Variants in CDH18 observed in about 807,000 individuals in gnomAD.
The protein encoded by CDH18 is cadherin-18.
In CDH18, 31 loss-of-function variants were observed where a neutral mutation model predicts 67.9. The observed-to-expected ratio is 0.46, with a 90% CI of 0.34 to 0.62. The LOEUF (loss-of-function observed/expected upper bound fraction) is 0.62. CDH18 is among the 20% of genes least tolerant of loss of function. The pLI is 0.01. For synonymous variants in CDH18, 362 were observed against 347.2 expected, an observed-to-expected ratio of 1.04 and a Z score of -0.48; for missense variants, 890 against 975.5, an observed-to-expected ratio of 0.91 and a Z score of 1.17.
rs143300156 is a variant in CDH18 at position 20,201,337 on chromosome 5, C to T, written c.-518+54107G>A. 1.5e-3 allele frequency among the ~76,000 whole-genome samples: 221 copies of T among 152,200 alleles called. 1 individual carries two copies. Among genetic ancestry groups the T allele is most frequent in the African/African-American group, 5.0e-3 (209 of 41,530 alleles). On this transcript the variant is annotated intron_variant, in intron 2 of 14. Transcript: ENST00000507958. Reference sequence around the variant, plus strand: ...AGTCACCTTAAATTGATTACATCTGCAAAGATCCCATTTCAAAATAAGGTC... The same window carrying T: ...AGTCACCTTAAATTGATTACATCTGTAAAGATCCCATTTCAAAATAAGGTC...
chr5:19,520,849 T>C, intron 9 of CDH18, 71 bp from the exon 10 acceptor site: 2 of 1,502,646 alleles, frequency 1.3e-6, no homozygotes, highest in Non-Finnish European at 1.8e-6. Flanking sequence ...AACAAATCTC[T>C]TTAATACTGT....
In CDH18 at chr5:20,321,884, C is replaced by T. The variant is rs865805904; in HGVS notation, c.-579-66379G>A. The stretch of plus-strand genomic sequence containing the variant: ...GACCAATGTCCAACCCTGTTCTCAT[C>T]TTCCTAACATGAGCAGAGCAAATCC... On this transcript the variant is annotated intron_variant, in intron 1 of 14. Transcript: ENST00000507958. 6.8e-4 allele frequency among the ~76,000 whole-genome samples: 104 copies of T among 152,296 alleles called. No individual in the cohort carries two copies. The Middle Eastern group carries it at 0.014, about 20-fold the overall frequency.
intron 2 of CDH18, among the ~76,000 whole-genome samples, chr5:19,933,689 A>G (rs926378911): frequency 5.3e-5 from 8 of 151,508 alleles, no homozygotes; most frequent in African/African-American, 1.9e-4. Flanking sequence ...ACCAAATAGG[A>G]GGATTCAAAT....
chr5:20,159,155 T>G (rs1211973635), intron 2 of CDH18, among the ~76,000 whole-genome samples: 1 of 152,190 alleles, frequency 6.6e-6, no homozygotes, highest in Non-Finnish European at 1.5e-5. Context: ...TTTTCTAATC[T>G]TTAGTTTGTC....
At chr5:20,334,454 A>G (rs2150031898) in intron 1 of CDH18, among the ~76,000 whole-genome samples, 1 of 152,118 alleles carries the variant, frequency 6.6e-6, no homozygotes, top group South Asian at 2.1e-4. Context: ...AATTCTTAAT[A>G]GGCACTGGAA....
chr5:20,436,976 C>T (rs1580995507), intron 1 of CDH18, among the ~76,000 whole-genome samples: 1 of 151,156 alleles, frequency 6.6e-6, no homozygotes, highest in Non-Finnish European at 1.5e-5. Context: ...AAAAAGAAGC[C>T]TAAATACAGA....
chr5:19,956,363 G>A (rs565692184), intron 2 of CDH18, among the ~76,000 whole-genome samples: 30 of 151,922 alleles, frequency 2.0e-4, no homozygotes, highest in Non-Finnish European at 5.9e-5. Flanking sequence ...ATTTGTGGGA[G>A]GAAAATCAAA....
intron 2 of CDH18, among the ~76,000 whole-genome samples, chr5:20,048,008 G>A (rs926629579): frequency 6.6e-6 from 1 of 151,710 alleles, no homozygotes; most frequent in African/African-American, 2.4e-5. Context: ...TGAACAGTCA[G>A]AGTTTAAGGT....
intron 2 of CDH18, among the ~76,000 whole-genome samples, chr5:20,176,079 T>C (rs1737208820): frequency 6.6e-6 from 1 of 152,154 alleles, no homozygotes; most frequent in Non-Finnish European, 1.5e-5. Context: ...TCTCCCCACC[T>C]AGTCAGCCAT....
At chr5:19,862,365 T>G (rs1246486153) in intron 2 of CDH18, among the ~76,000 whole-genome samples, 1 of 152,172 alleles carries the variant, frequency 6.6e-6, no homozygotes, top group Non-Finnish European at 1.5e-5. Context: ...TCTATAAAAT[T>G]AGGAAACTGT....
intron 1 of CDH18, among the ~76,000 whole-genome samples, chr5:20,318,476 G>C (rs899689141): frequency 2.0e-5 from 3 of 152,132 alleles, no homozygotes; most frequent in Non-Finnish European, 4.4e-5. Flanking sequence ...GAGGTGATGG[G>C]ATCCTGGGGG....
chr5:19,992,992 G>C (rs1800065680), upstream of CDH18, among the ~76,000 whole-genome samples: 1 of 152,134 alleles, frequency 6.6e-6, no homozygotes, highest in East Asian at 1.9e-4. Flanking sequence ...GTTTCCAATA[G>C]ATAGCTGTAG....
intron 3 of CDH18, among the ~76,000 whole-genome samples, chr5:19,807,182 G>C (rs1351172730): frequency 1.3e-5 from 2 of 152,138 alleles, no homozygotes; most frequent in African/African-American, 4.8e-5. Context: ...TTTGTGGTGG[G>C]GGTAGAGAGA....
intron 1 of CDH18, among the ~76,000 whole-genome samples, chr5:20,508,688 T>C (rs1754814888): frequency 6.6e-6 from 1 of 152,062 alleles, no homozygotes; most frequent in Non-Finnish European, 1.5e-5. Context: ...GCTAGCTTTA[T>C]ACAATTCTAT....
At chr5:19,552,601 C>T (rs2127151607) in intron 8 of CDH18, among the ~76,000 whole-genome samples, 1 of 152,210 alleles carries the variant, frequency 6.6e-6, no homozygotes, top group East Asian at 1.9e-4. Flanking sequence ...GTGAAATAAG[C>T]ATCAAAATGG....
chr5:19,736,603 T>G (rs915017675), intron 4 of CDH18, among the ~76,000 whole-genome samples: 3 of 152,212 alleles, frequency 2.0e-5, no homozygotes, highest in Non-Finnish European at 4.4e-5. Context: ...TTTTCTAGTT[T>G]TTTTGTGTGT....
intron 2 of CDH18, among the ~76,000 whole-genome samples, chr5:19,994,722 TATATATATATATATATAGAGAG>T (rs1438739856): frequency 1.7e-4 from 4 of 23,986 alleles, no homozygotes; most frequent in African/African-American, 6.1e-4. Context: ...TATATATATA[TATATATATATATATATAGAGAG>T]AGAGAGAGAG....
At chr5:20,556,016 A>G (rs1757887221) in intron 1 of CDH18, among the ~76,000 whole-genome samples, 2 of 152,178 alleles carry the variant, frequency 1.3e-5, no homozygotes, top group Non-Finnish European at 2.9e-5. Flanking sequence ...ATAGAGAGTC[A>G]CCATATCTCT....
chr5:19,913,240 A>G lies in CDH18; in HGVS notation c.-257+67820T>C, dbSNP rs1791356923. Among the ~76,000 whole-genome samples the G allele has an allele frequency of 2.6e-5, 4 of 152,006 alleles. No homozygotes were observed. The South Asian group carries it at 8.3e-4, about 32-fold the overall frequency. ...GAATAATTTAAATGAGATAAGATTA[A>G]TAAATATAATGCTCTTCATACTCTT... On this transcript the variant is annotated intron_variant, in intron 2 of 12. Coordinates refer to ENST00000382275, the MANE Select transcript of CDH18 (RefSeq NM_004934.5).
Sources: gnomAD v4.1 joint callset for allele counts (sites outside exome capture counted in the v4.1 genomes callset) on GRCh38, gnomAD v4.1.1 for gene constraint, MANE v1.5 for transcripts, NCBI Gene and HGNC (gene_info 2026-07-23, HGNC 2026-07-21) for gene names.